Variants in SOX6 observed in about 807,000 individuals in gnomAD.
SOX6 encodes SRY-box transcription factor 6.
SOX6 carries 11 observed loss-of-function variants against 97.8 expected under a neutral mutation model. The observed-to-expected ratio is 0.11, with a 90% CI of 0.07 to 0.19. SOX6 has a LOEUF of 0.19. SOX6 is among the 10% of genes least tolerant of loss of function. SOX6 has a pLI of 1.00. For missense variants in SOX6, 810 were observed against 1,039.5 expected (o/e 0.78, Z 3.04); for synonymous variants, 360 against 371.4 (o/e 0.97, Z 0.35).
Position 15,969,940 on chromosome 11 carries a change from C to T in SOX6, c.*2869G>A, listed in dbSNP as rs1853254228. On this transcript the variant is annotated 3_prime_UTR_variant, in exon 16 of 16. Transcript: ENST00000683767. Reference sequence around the variant, plus strand: ...TTACAATCAGATCATTCCTGAATAGCCTTTCATTTTTAAGAACATGGCTAA... The same window carrying T: ...TTACAATCAGATCATTCCTGAATAGTCTTTCATTTTTAAGAACATGGCTAA... 1 of 152,192 alleles carries T rather than the reference C, an allele frequency of 6.6e-6. No individual in the cohort carries two copies. The highest frequency in any genetic ancestry group is 1.5e-5 in the Non-Finnish European group (1 of 68,032). 9.4% of individuals were successfully genotyped at this position (152,192 alleles called of 1,614,324 possible).
chr11:16,175,686 T>C (rs1397800757), intron 6 of SOX6, among the ~76,000 whole-genome samples: 1 of 151,912 alleles, frequency 6.6e-6, no homozygotes, highest in Non-Finnish European at 1.5e-5. Context: ...TTTTAAAAAA[T>C]GGGTTGATGT....
intron 1 of SOX6, among the ~76,000 whole-genome samples, chr11:16,443,025 T>G (rs1859535412): frequency 6.6e-6 from 1 of 152,134 alleles, no homozygotes; most frequent in Non-Finnish European, 1.5e-5. Context: ...CATACTGAAC[T>G]TTTTAGAATT....
chr11:16,566,444 A>G (rs1847874639), intron 4 of SOX6, among the ~76,000 whole-genome samples: 1 of 152,244 alleles, frequency 6.6e-6, no homozygotes, highest in Admixed American at 6.5e-5. Flanking sequence ...ACCATGTAGT[A>G]TTGAAATTTG....
chr11:16,544,931 CTT>C (rs1277748085), intron 4 of SOX6, among the ~76,000 whole-genome samples: 1 of 151,886 alleles, frequency 6.6e-6, no homozygotes, highest in Admixed American at 6.6e-5. Flanking sequence ...ACAGTTAAAA[CTT>C]ATAGAGAGGG....
chr11:16,541,001 C>T (rs1861398652), intron 4 of SOX6, among the ~76,000 whole-genome samples: 2 of 152,122 alleles, frequency 1.3e-5, no homozygotes, highest in South Asian at 2.1e-4. Flanking sequence ...CAAAAAAGGG[C>T]CCGCATTGCC....
intron 6 of SOX6, among the ~76,000 whole-genome samples, chr11:16,165,016 A>G (rs1232375860): frequency 6.6e-6 from 1 of 152,024 alleles, no homozygotes; most frequent in Non-Finnish European, 1.5e-5. Context: ...CCTATTGTTG[A>G]TTACTAAAAT....
At chr11:16,511,288 AGTC>A (rs1860876380) in intron 4 of SOX6, among the ~76,000 whole-genome samples, 1 of 152,168 alleles carries the variant, frequency 6.6e-6, no homozygotes, top group Non-Finnish European at 1.5e-5. Context: ...CCACAGTTTC[AGTC>A]ATCAGTGCTC....
intron 12 of SOX6, among the ~76,000 whole-genome samples, chr11:16,033,059 A>G (rs1209148807): frequency 2.0e-5 from 3 of 152,080 alleles, no homozygotes; most frequent in Non-Finnish European, 4.4e-5. Flanking sequence ...TACCTCCCAA[A>G]TCAGACTACC....
At position 16,621,054 on chromosome 11, in the gene SOX6, G is replaced by T. The variant is rs554883772; in HGVS notation, n.430-8794C>A. On this transcript the variant is annotated intron_variant and non_coding_transcript_variant, in intron 3 of 5. Transcript: ENST00000524520. ...CATTTGTGTGCCTATATTTGGAAGAGCATGGAGATTTTTTTCTACCAAGAT... is the reference window on the plus strand; with the variant it reads ...CATTTGTGTGCCTATATTTGGAAGATCATGGAGATTTTTTTCTACCAAGAT... 1.4e-4 allele frequency among the ~76,000 whole-genome samples: 21 copies of T among 152,292 alleles called. No homozygotes were observed. In the South Asian group the frequency reaches 3.9e-3, roughly 29 times the overall value.
At chr11:16,158,457 G>A (rs552514098) in intron 6 of SOX6, among the ~76,000 whole-genome samples, 19 of 152,084 alleles carry the variant, frequency 1.2e-4, no homozygotes, top group Non-Finnish European at 2.2e-4. Context: ...CATCTCCCAA[G>A]AGTCAACTTA....
intron 2 of SOX6, among the ~76,000 whole-genome samples, chr11:16,322,668 G>A (rs978756169): frequency 1.2e-4 from 19 of 152,120 alleles, no homozygotes; most frequent in Non-Finnish European, 2.2e-4. Flanking sequence ...TGGCAAGTGT[G>A]TTAAAATGCA....
chr11:16,233,782 G>T (rs939619774), intron 4 of SOX6, among the ~76,000 whole-genome samples: 1 of 152,044 alleles, frequency 6.6e-6, no homozygotes, highest in Admixed American at 6.6e-5. Flanking sequence ...GGCCAAGACA[G>T]GCAGATCACG....
At chr11:16,401,172 A>C (rs1290405818) in intron 1 of SOX6, among the ~76,000 whole-genome samples, 1 of 151,622 alleles carries the variant, frequency 6.6e-6, no homozygotes, top group African/African-American at 2.4e-5. Context: ...TTACTACACT[A>C]GAAATAGTGT....
rs144378131 is a variant in SOX6, at chr11:16,546,680, A to G, written n.609+65401T>C. 1.5e-4 allele frequency among the ~76,000 whole-genome samples: 23 copies of G among 152,252 alleles called. No individual in the cohort carries two copies. The East Asian group carries it at 4.4e-3, about 29-fold the overall frequency. On this transcript the variant is annotated intron_variant and non_coding_transcript_variant, in intron 4 of 5. Coordinates refer to the SOX6 transcript ENST00000524520. The stretch of plus-strand genomic sequence containing the variant: ...AACCGCTAGGAGAAAATACAGGGGA[A>G]GTGCTTCAGGACACGATCTAGGCAA...
At chr11:16,216,310 A>G (rs537766764) in intron 4 of SOX6, among the ~76,000 whole-genome samples, 61 of 152,328 alleles carry the variant, frequency 4.0e-4, no homozygotes, top group African/African-American at 1.3e-3. Flanking sequence ...ATAACCTAAC[A>G]CAATGATGGG....
At chr11:16,296,844 G>A (rs1201148848) in intron 3 of SOX6, among the ~76,000 whole-genome samples, 1 of 151,972 alleles carries the variant, frequency 6.6e-6, no homozygotes, top group East Asian at 1.9e-4. Context: ...ACTGGGTAAT[G>A]TTATGGGCAC....
chr11:16,284,679 C>T (rs1565069512), intron 3 of SOX6, among the ~76,000 whole-genome samples: 1 of 152,046 alleles, frequency 6.6e-6, no homozygotes, highest in East Asian at 1.9e-4. Flanking sequence ...CAAGCAAATG[C>T]AAATGTGTTT....
At chr11:16,220,576 C>A (rs552376899) in intron 4 of SOX6, among the ~76,000 whole-genome samples, 22 of 152,090 alleles carry the variant, frequency 1.4e-4, no homozygotes, top group African/African-American at 5.3e-4. Context: ...CATGTTTAAT[C>A]GTTTCCCATG....
chr11:15,994,866 T>C (rs893568621), intron 13 of SOX6, among the ~76,000 whole-genome samples: 2 of 152,076 alleles, frequency 1.3e-5, no homozygotes, highest in African/African-American at 4.8e-5. Flanking sequence ...AAAAAACCCA[T>C]AGATGTTGAA....
Sources: gnomAD v4.1 joint callset for allele counts (sites outside exome capture counted in the v4.1 genomes callset) on GRCh38, gnomAD v4.1.1 for gene constraint, MANE v1.5 for transcripts, NCBI Gene and HGNC (gene_info 2026-07-23, HGNC 2026-07-21) for gene names.